GTF3C5: variants seen among roughly 807,000 people sequenced by gnomAD.
GTF3C5 encodes the protein general transcription factor 3C polypeptide 5.
A neutral mutation model predicts 61.0 loss-of-function variants in GTF3C5; 47 were observed. The observed-to-expected ratio is 0.77, with a 90% confidence interval of 0.61 to 0.98. The LOEUF is 0.98. Ranked by LOEUF, GTF3C5 falls within the 50% of genes least tolerant of loss-of-function variation. The probability of loss-of-function intolerance (pLI) is 0.00; values close to 1 mark genes in which losing one functional copy is unlikely to be tolerated. For missense variants in GTF3C5, 659 were observed against 703.3 expected, an observed-to-expected ratio of 0.94 and a Z score of 0.71; for synonymous variants, 295 against 275.4, an observed-to-expected ratio of 1.07 and a Z score of -0.71.
Position 133,031,046 on chromosome 9 carries a change from C to T in GTF3C5, c.35C>T (p.Ala12Val). ...AAEAADLGLG[A>V]AVPVELRRER... ...GAGGCGGCCGATTTGGGGCTGGGGGCCGCCGTCCCCGTGGAGCTGAGGCGG... is the reference window on the plus strand; with the variant it reads ...GAGGCGGCCGATTTGGGGCTGGGGGTCGCCGTCCCCGTGGAGCTGAGGCGG... The change falls in exon 1 of 11, where the codon GCC (alanine) becomes GTC (valine). Residue 12 changes from alanine to valine, a missense_variant. Physicochemically the swap from Ala to Val is moderately conservative, Grantham distance 64. Coordinates refer to ENST00000372097, the MANE Select transcript of GTF3C5 (RefSeq NM_012087.4). The T allele has an allele frequency of 6.2e-7, 1 of 1,611,872 alleles. No homozygotes were observed. The highest frequency in any genetic ancestry group is 8.5e-7 in the Non-Finnish European group (1 of 1,179,076).
intron 1 of GTF3C5, among the ~76,000 whole-genome samples, chr9:133,038,235 G>T (rs543803540): frequency 6.6e-6 from 1 of 152,270 alleles, no homozygotes; most frequent in Admixed American, 6.5e-5. Context: ...ACTCAACCTG[G>T]ATATCTAATA....
At position 133,052,232 on chromosome 9, in the gene GTF3C5, G is replaced by A. The variant is rs569866659; in HGVS notation, c.873+68G>A. ...TGTGGTCCCTGGTCCCTGCTGTGATGTCTTAGAGCCACAGTAAGAGCAGCC... is the reference window on the plus strand; with the variant it reads ...TGTGGTCCCTGGTCCCTGCTGTGATATCTTAGAGCCACAGTAAGAGCAGCC... On this transcript the variant is annotated intron_variant, in intron 5 of 10. Transcript: ENST00000372097. 1.5e-3 allele frequency: 1,234 copies of A among 833,100 alleles called. 2 individuals carry two copies. Among genetic ancestry groups the A allele is most frequent in the Non-Finnish European group, 2.0e-3 (1,009 of 495,542 alleles). The allele number at this position is 833,100 out of a possible 1,614,324, so 51.6% of individuals were successfully genotyped here.
chr9:133,058,042 CG>C lies in GTF3C5; in HGVS notation c.*66del, dbSNP rs1185109824. ...CTGGTGTCTGGCCTAATGAGGGAGC[CG>C]GGGCTCCCCATTGCCACCCACAGTG... On this transcript the variant is annotated 3_prime_UTR_variant, in exon 11 of 11. Coordinates refer to ENST00000372097, the MANE Select transcript of GTF3C5 (RefSeq NM_012087.4). The C allele has an allele frequency of 6.3e-7, 1 of 1,597,214 alleles. No homozygotes were observed. Among genetic ancestry groups the C allele is most frequent in the African/African-American group, 1.4e-5 (1 of 73,844 alleles).
chr9:133,050,741 G>A (rs779117014), intron 3 of GTF3C5, 42 bp from the exon 4 acceptor site: 1 of 1,474,492 alleles, frequency 6.8e-7, no homozygotes, highest in South Asian at 1.2e-5. Flanking sequence ...TGCCTGGGAT[G>A]GCCTTGGTGC....
At chr9:133,052,201 C>T (rs1564202884) in intron 5 of GTF3C5, 37 bp downstream of exon 5, 2 of 1,169,868 alleles carry the variant, frequency 1.7e-6, no homozygotes, top group South Asian at 1.3e-5. Flanking sequence ...CCTTGGTTTC[C>T]ACCCATGTGG....
intron 1 of GTF3C5, among the ~76,000 whole-genome samples, chr9:133,037,717 C>T (rs1301549934): frequency 6.6e-6 from 1 of 152,116 alleles, no homozygotes; most frequent in African/African-American, 2.4e-5. Flanking sequence ...AGAAATTTAA[C>T]GTGGGCTGTT....
At chr9:133,042,789 A>G (rs145823549) in intron 2 of GTF3C5, among the ~76,000 whole-genome samples, 10 of 152,326 alleles carry the variant, frequency 6.6e-5, no homozygotes, top group Admixed American at 2.6e-4. Context: ...GAAGCAATAA[A>G]GCAAGGGAGG....
At chr9:133,046,178 A>T (rs1850197417) in intron 3 of GTF3C5, among the ~76,000 whole-genome samples, 1 of 152,128 alleles carries the variant, frequency 6.6e-6, no homozygotes, top group Admixed American at 6.5e-5. Context: ...AAACTAAAAA[A>T]GTTAGCTGGG....
chr9:133,034,916 A>G (rs1849824518), intron 1 of GTF3C5, among the ~76,000 whole-genome samples: 1 of 152,204 alleles, frequency 6.6e-6, no homozygotes, highest in Admixed American at 6.5e-5. Flanking sequence ...ATAAGCCAAC[A>G]TCTTTCCAAG....
intron 1 of GTF3C5, among the ~76,000 whole-genome samples, chr9:133,036,853 C>A (rs1264123069): frequency 1.3e-5 from 2 of 152,114 alleles, no homozygotes; most frequent in Non-Finnish European, 2.9e-5. Context: ...TCCTGTCCTT[C>A]GTATCAAGTG....
intron 5 of GTF3C5, 41 bp from the exon 6 acceptor site, chr9:133,053,787 C>G: frequency 4.3e-3 from 4,745 of 1,109,414 alleles, no homozygotes; most frequent in Non-Finnish European, 5.8e-3. Context: ...GGGACCTGGG[C>G]CTTCACCTCA....
chr9:133,035,841 G>A (rs563991454), intron 1 of GTF3C5, among the ~76,000 whole-genome samples: 1 of 152,302 alleles, frequency 6.6e-6, no homozygotes, highest in African/African-American at 2.4e-5. Flanking sequence ...TAACACTTGG[G>A]TGATTAATTC....
rs201130229 is a variant in GTF3C5, at chr9:133,054,447, G to A, written c.1028G>A (p.Ser343Asn). 9 of 1,614,190 alleles carry A rather than the reference G, an allele frequency of 5.6e-6. No homozygotes were observed. The highest frequency in any genetic ancestry group is 7.6e-6 in the Non-Finnish European group (9 of 1,180,042). The change falls in exon 7 of 11, where the codon AGC becomes AAC. Residue 343 changes from serine (S) to asparagine (N), a missense_variant. Coordinates refer to ENST00000372097, the MANE Select transcript of GTF3C5 (RefSeq NM_012087.4). ...PSDLPVKAKR[S>N]TYNYSLPITV... Reference sequence around the variant, plus strand: ...GACTTGCCGGTCAAAGCAAAGCGCAGCACCTACAACTACAGCCTCCCCATC... The same window carrying A: ...GACTTGCCGGTCAAAGCAAAGCGCAACACCTACAACTACAGCCTCCCCATC...
chr9:133,045,095 C>T (rs1225440602), intron 3 of GTF3C5, among the ~76,000 whole-genome samples: 1 of 152,164 alleles, frequency 6.6e-6, no homozygotes, highest in Non-Finnish European at 1.5e-5. Flanking sequence ...ATAGGATTTC[C>T]TTTATATAAA....
At chr9:133,046,746 G>A (rs1240931627) in intron 3 of GTF3C5, among the ~76,000 whole-genome samples, 1 of 152,152 alleles carries the variant, frequency 6.6e-6, no homozygotes, top group Admixed American at 6.5e-5. Flanking sequence ...GCAGTGGGCC[G>A]GGGCTACAGG....
intron 2 of GTF3C5, 69 bp from the exon 3 acceptor site, chr9:133,043,659 G>T (rs373881157): frequency 3.4e-5 from 42 of 1,245,294 alleles, no homozygotes; most frequent in Admixed American, 1.7e-4. Context: ...AAGCAGATGT[G>T]GGTGTCGGTG....
At chr9:133,055,806 C>T (rs896595482) in intron 8 of GTF3C5, 1 of 1,389,730 alleles carries the variant, frequency 7.2e-7, no homozygotes, top group Non-Finnish European at 9.3e-7. Flanking sequence ...CTGGGTGCTC[C>T]TCTGCCTCTC....
At chr9:133,052,978 G>T (rs565462556) in intron 5 of GTF3C5, among the ~76,000 whole-genome samples, 17 of 151,952 alleles carry the variant, frequency 1.1e-4, no homozygotes, top group African/African-American at 2.7e-4. Flanking sequence ...GAGTACAGGC[G>T]CACGCCACCA....
At position 133,055,981 on chromosome 9, in the gene GTF3C5, C is replaced by T. The variant is rs755664815; in HGVS notation, c.1168-31C>T. 59 of 1,613,778 alleles carry T rather than the reference C, an allele frequency of 3.7e-5. No homozygotes were observed. The East Asian group carries it at 1.3e-3, about 35-fold the overall frequency. On this transcript the variant is annotated intron_variant, in intron 8 of 10. Coordinates refer to ENST00000372097, the MANE Select transcript of GTF3C5 (RefSeq NM_012087.4). The stretch of plus-strand genomic sequence containing the variant: ...TGGCAGCCCCAGGGCTCTGGCTCAC[C>T]TTCCCTGTCTCTCTCCCCCTTTGTC...
Sources: gnomAD v4.1 joint callset for allele counts (sites outside exome capture counted in the v4.1 genomes callset) on GRCh38, gnomAD v4.1.1 for gene constraint, MANE v1.5 for transcripts, NCBI Gene and HGNC (gene_info 2026-07-23, HGNC 2026-07-21) for gene names.